KCNG2: variants seen among roughly 807,000 people sequenced by gnomAD.
The protein encoded by KCNG2 is potassium voltage-gated channel modifier subfamily G member 2.
Under a neutral mutation model 12.3 loss-of-function variants are expected in KCNG2, and 7 were observed. The ratio of observed to expected loss-of-function variants is 0.57; its 90% CI spans 0.32 to 1.07. The LOEUF (loss-of-function observed/expected upper bound fraction) is 1.07, where lower values mean the gene tolerates loss of function less well. Among genes scored for constraint, KCNG2 ranks in the 50% least tolerant of loss-of-function variants. The pLI, the probability that KCNG2 is intolerant of heterozygous loss-of-function variation, is 0.04. For synonymous variants in KCNG2, 414 were observed against 351.4 expected, an observed-to-expected ratio of 1.18 and a Z score of -1.99; for missense variants, 703 against 726.0, an observed-to-expected ratio of 0.97 and a Z score of 0.36.
At chr18:79,815,643 C>G (rs575801404) in intron 1 of KCNG2, among the ~76,000 whole-genome samples, 7 of 152,306 alleles carry the variant, frequency 4.6e-5, no homozygotes, top group East Asian at 3.9e-4. Flanking sequence ...CAGCACAAAC[C>G]CCCAACTTCT....
At chr18:79,872,560 C>T (rs1979891466) in intron 3 of KCNG2, among the ~76,000 whole-genome samples, 2 of 152,162 alleles carry the variant, frequency 1.3e-5, no homozygotes, top group African/African-American at 2.4e-5. Flanking sequence ...GCTGGGATTA[C>T]AGGCGGAGGC....
chr18:79,883,035 A>G (rs1366278897), intron 3 of KCNG2, among the ~76,000 whole-genome samples: 1 of 152,250 alleles, frequency 6.6e-6, no homozygotes, highest in Admixed American at 6.5e-5. Flanking sequence ...AGCACGGCCT[A>G]GCCCGGAAGC....
chr18:79,862,883 T>A (rs1336628680), intron 2 of KCNG2, among the ~76,000 whole-genome samples: 1 of 152,050 alleles, frequency 6.6e-6, no homozygotes, highest in Admixed American at 6.6e-5. Context: ...AGTCAAAGAG[T>A]CCTGTAGCTT....
At chr18:79,828,177 G>C (rs966977366) in intron 1 of KCNG2, among the ~76,000 whole-genome samples, 3 of 152,106 alleles carry the variant, frequency 2.0e-5, no homozygotes, top group Non-Finnish European at 4.4e-5. Context: ...CGCCCACCTC[G>C]GCCTCCCAAA....
intron 3 of KCNG2, among the ~76,000 whole-genome samples, chr18:79,890,134 A>C (rs2048395194): frequency 6.6e-6 from 1 of 151,890 alleles, no homozygotes; most frequent in Admixed American, 6.6e-5. Context: ...TATTTTCTTG[A>C]ATCTTTTAAC....
At chr18:79,831,696 TCGTCAGGAGGGTTCCC>T in intron 1 of KCNG2, among the ~76,000 whole-genome samples, 1 of 135,854 alleles carries the variant, frequency 7.4e-6, no homozygotes, top group Non-Finnish European at 1.6e-5. Context: ...GACAGAGCCT[TCGTCAGGAGGGTTCCC>T]TGCGGACAGA....
chr18:79,873,216 C>T (rs1979921689), intron 3 of KCNG2, among the ~76,000 whole-genome samples: 1 of 152,228 alleles, frequency 6.6e-6, no homozygotes, highest in Non-Finnish European at 1.5e-5. Context: ...ACCCTCTCCA[C>T]CCAGCGTTTC....
chr18:79,854,530 C>CTTT (rs71163836), intron 1 of KCNG2, among the ~76,000 whole-genome samples: 118,749 of 135,690 alleles, frequency 0.88, 54,096 homozygotes, highest in Non-Finnish European at 0.99. Flanking sequence ...CTTTCATTGG[C>CTTT]TTTTTTTTTT....
At chr18:79,873,059 G>A (rs562808098) in intron 3 of KCNG2, among the ~76,000 whole-genome samples, 8 of 152,308 alleles carry the variant, frequency 5.3e-5, no homozygotes, top group African/African-American at 1.9e-4. Context: ...GAAGAAGCCA[G>A]GTAGCTCTGC....
intron 1 of KCNG2, among the ~76,000 whole-genome samples, chr18:79,798,737 G>A (rs1325257610): frequency 6.6e-6 from 1 of 152,216 alleles, no homozygotes; most frequent in Non-Finnish European, 1.5e-5. Context: ...CCCGCCGAGC[G>A]CAGCCCGGGT....
Position 79,874,968 on chromosome 18 carries a change from A to T in KCNG2, c.624+10677A>T, listed in dbSNP as rs145957843. ...TCCAGGTATGTGACAGGCCCTGAGG[A>T]GACTGATGAGGCTCAGAAAGCCACA... is the stretch of plus-strand genomic sequence containing the variant. On this transcript the variant is annotated intron_variant, in intron 3 of 3. Coordinates refer to ENST00000316249, the MANE Select transcript of KCNG2 (RefSeq NM_012283.2). 1.9e-3 allele frequency among the ~76,000 whole-genome samples: 286 copies of T among 152,218 alleles called. 1 individual carries two copies. The highest frequency in any genetic ancestry group is 6.6e-3 in the African/African-American group (275 of 41,534).
chr18:79,871,698 G>A (rs1172655738), intron 3 of KCNG2, among the ~76,000 whole-genome samples: 3 of 152,182 alleles, frequency 2.0e-5, no homozygotes, highest in African/African-American at 7.2e-5. Context: ...AGGGGAAGGC[G>A]GCCCCCTATG....
intron 1 of KCNG2, among the ~76,000 whole-genome samples, chr18:79,836,774 G>C (rs980048182): frequency 6.6e-6 from 1 of 152,158 alleles, no homozygotes; most frequent in African/African-American, 2.4e-5. Context: ...ACTATCATGA[G>C]AACAGCATGA....
rs1290683465 is a variant in KCNG2 at position 79,864,077 on chromosome 18, C to T, written c.410C>T (p.Pro137Leu). ...EEEAAEARAG[P>L]TERGAQGSPA... The stretch of plus-strand genomic sequence containing the variant: ...GAGGCGGCCGAGGCCCGCGCGGGGC[C>T]GACGGAGCGCGGGGCGCAGGGGAGC... Residue 137 changes from proline (P) to leucine (L), a missense_variant, in exon 3 of 4, where the codon CCG becomes CTG. Coordinates refer to ENST00000316249, the MANE Select transcript of KCNG2 (RefSeq NM_012283.2). 3.8e-6 allele frequency: 4 copies of T among 1,061,146 alleles called. No individual in the cohort carries two copies. Among genetic ancestry groups the T allele is most frequent in the African/African-American group, 1.7e-5 (1 of 57,858 alleles). The allele number at this position is 1,061,146 out of a possible 1,614,324, so 65.7% of individuals were successfully genotyped here. A position where few individuals can be genotyped will look rare whatever the true frequency, so the allele number is the denominator to read the frequency against.
At chr18:79,826,129 G>T (rs942355857) in intron 1 of KCNG2, among the ~76,000 whole-genome samples, 1 of 152,286 alleles carries the variant, frequency 6.6e-6, no homozygotes, top group African/African-American at 2.4e-5. Context: ...CGACAGGAAG[G>T]GCCGGGAGCT....
intron 3 of KCNG2, among the ~76,000 whole-genome samples, chr18:79,870,250 G>A (rs1182093716): frequency 1.3e-5 from 2 of 152,252 alleles, no homozygotes; most frequent in African/African-American, 2.4e-5. Flanking sequence ...GCTGCCGTGG[G>A]CCCTAATGGC....
intron 1 of KCNG2, among the ~76,000 whole-genome samples, chr18:79,826,304 C>G (rs567637054): frequency 6.6e-6 from 1 of 152,388 alleles, no homozygotes; most frequent in East Asian, 1.9e-4. Flanking sequence ...GCAGGGAAAG[C>G]AGGTGTGTGG....
rs552014885 is a variant in KCNG2 at position 79,835,090 on chromosome 18, G to A, written c.-114-21289G>A. Among the ~76,000 whole-genome samples, 5 of 152,234 alleles carry A rather than the reference G, an allele frequency of 3.3e-5. No individual in the cohort carries two copies. In the South Asian group the frequency reaches 6.2e-4, roughly 19 times the overall value. ...TGTGGGGAGTAGGAACCCCCATCCC[G>A]ACCCACTGGTAATGAGGAGCCCTCC... On this transcript the variant is annotated intron_variant, in intron 1 of 3. Transcript: ENST00000316249.
At chr18:79,848,816 C>T (rs1456239029) in intron 1 of KCNG2, among the ~76,000 whole-genome samples, 4 of 152,284 alleles carry the variant, frequency 2.6e-5, no homozygotes, top group African/African-American at 4.8e-5. Flanking sequence ...CCCGGTGAAG[C>T]CAGACTGCCC....
Sources: gnomAD v4.1 joint callset for allele counts (sites outside exome capture counted in the v4.1 genomes callset) on GRCh38, gnomAD v4.1.1 for gene constraint, MANE v1.5 for transcripts, NCBI Gene and HGNC (gene_info 2026-07-23, HGNC 2026-07-21) for gene names.